The following RBFOX3 variants were observed in gnomAD, a reference collection of about 807,000 sequenced individuals.
The protein encoded by RBFOX3 is RNA binding protein fox-1 homolog 3.
A neutral mutation model predicts 48.7 loss-of-function variants in RBFOX3; 17 were observed. That is an observed-to-expected ratio of 0.35 (90% confidence interval 0.24 to 0.52). The LOEUF (loss-of-function observed/expected upper bound fraction) is 0.52, where lower values mean the gene tolerates loss of function less well. Among genes scored for constraint, RBFOX3 ranks in the 20% least tolerant of loss-of-function variants. The pLI, the probability that RBFOX3 is intolerant of heterozygous loss-of-function variation, is 0.94. For missense variants in RBFOX3, 382 were observed against 497.5 expected, an observed-to-expected ratio of 0.77 and a Z score of 2.21; for synonymous variants, 212 against 209.5, an observed-to-expected ratio of 1.01 and a Z score of -0.10.
intron 2 of RBFOX3, among the ~76,000 whole-genome samples, chr17:79,399,603 G>A (rs971542991): frequency 4.6e-5 from 7 of 151,818 alleles, no homozygotes; most frequent in Non-Finnish European, 1.0e-4. Context: ...CGCTCTCCCA[G>A]CAGTCACAAA....
intron 3 of RBFOX3, among the ~76,000 whole-genome samples, chr17:79,264,078 G>A (rs1192064909): frequency 2.0e-5 from 3 of 150,438 alleles, no homozygotes; most frequent in African/African-American, 2.4e-5. Flanking sequence ...TGGCGGGAGC[G>A]CAGCCCTGTT....
intron 1 of RBFOX3, among the ~76,000 whole-genome samples, chr17:79,579,010 A>T (rs1006593560): frequency 2.0e-5 from 3 of 152,120 alleles, no homozygotes; most frequent in Non-Finnish European, 4.4e-5. Flanking sequence ...CTGCCCCCTC[A>T]ACGTCCTGAG....
rs2073702667 is a variant in RBFOX3 at position 79,090,666 on chromosome 17, C to A, written c.*217G>T. On this transcript the variant is annotated 3_prime_UTR_variant, in exon 15 of 15. Coordinates refer to ENST00000693108, the MANE Select transcript of RBFOX3 (RefSeq NM_001350451.2). ...CCAGGACGCGGTGGGGCCGTCCTGT[C>A]CTGGGGCCGCTCCTCGGCGCCCCTG... is the stretch of plus-strand genomic sequence containing the variant. 7 of 604,246 alleles carry A rather than the reference C, an allele frequency of 1.2e-5. No individual in the cohort carries two copies. In the South Asian group the frequency reaches 1.5e-4, roughly 13 times the overall value. 37.4% of individuals were successfully genotyped at this position (604,246 alleles called of 1,614,324 possible).
At chr17:79,581,747 G>A (rs1466655058) in intron 1 of RBFOX3, among the ~76,000 whole-genome samples, 1 of 152,240 alleles carries the variant, frequency 6.6e-6, no homozygotes, top group Non-Finnish European at 1.5e-5. Context: ...GACCTGGCAG[G>A]GGAGCACCTC....
At chr17:79,420,083 T>C (rs1450845417) in intron 2 of RBFOX3, among the ~76,000 whole-genome samples, 1 of 149,246 alleles carries the variant, frequency 6.7e-6, no homozygotes, top group African/African-American at 2.5e-5. Context: ...GCTGAGATCA[T>C]GCCACTGCAC....
intron 3 of RBFOX3, among the ~76,000 whole-genome samples, chr17:79,291,820 A>G (rs2073324050): frequency 6.6e-6 from 1 of 152,182 alleles, no homozygotes. Flanking sequence ...CCCTCTGTTC[A>G]GGAGCAAGCA....
chr17:79,213,425 T>A (rs1011638033), intron 4 of RBFOX3, among the ~76,000 whole-genome samples: 3 of 152,206 alleles, frequency 2.0e-5, no homozygotes, highest in East Asian at 1.9e-4. Flanking sequence ...CACCCGCAAC[T>A]GCTACCAGGA....
intron 4 of RBFOX3, among the ~76,000 whole-genome samples, chr17:79,154,219 G>A (rs1377614149): frequency 4.7e-5 from 7 of 149,602 alleles, no homozygotes; most frequent in African/African-American, 1.5e-4. Context: ...CAGGGCCCTC[G>A]TACATGCCCT....
intron 3 of RBFOX3, among the ~76,000 whole-genome samples, chr17:79,248,227 T>G (rs2063441607): frequency 6.6e-6 from 1 of 151,888 alleles, no homozygotes; most frequent in Non-Finnish European, 1.5e-5. Flanking sequence ...GTGGCTTTGT[T>G]TTGTGTGTGT....
chr17:79,538,100 G>A (rs1293771946), intron 1 of RBFOX3, among the ~76,000 whole-genome samples: 17 of 152,232 alleles, frequency 1.1e-4, no homozygotes, highest in African/African-American at 4.1e-4. Context: ...CCCTGAGCCA[G>A]GCTATCCTTC....
At chr17:79,458,651 C>G (rs2074944923) in intron 2 of RBFOX3, among the ~76,000 whole-genome samples, 2 of 151,934 alleles carry the variant, frequency 1.3e-5, no homozygotes, top group Non-Finnish European at 2.9e-5. Context: ...GTGAGCTCTT[C>G]TGCAGTGCTA....
intron 2 of RBFOX3, among the ~76,000 whole-genome samples, chr17:79,315,957 G>A (rs1033081581): frequency 2.0e-5 from 3 of 152,142 alleles, no homozygotes; most frequent in Admixed American, 2.0e-4. Flanking sequence ...GGGTGGGTCC[G>A]CCAGCAGCTC....
chr17:79,253,695 G>A (rs907053098), intron 3 of RBFOX3, among the ~76,000 whole-genome samples: 1 of 152,232 alleles, frequency 6.6e-6, no homozygotes, highest in Non-Finnish European at 1.5e-5. Flanking sequence ...TGGCCAGTCT[G>A]TCTGCGGTTA....
At chr17:79,586,548 C>T (rs898814338) in intron 1 of RBFOX3, among the ~76,000 whole-genome samples, 3 of 152,368 alleles carry the variant, frequency 2.0e-5, no homozygotes, top group East Asian at 3.9e-4. Context: ...GGCATGAGGA[C>T]GTTCCTCAAC....
At chr17:79,552,871 A>G (rs1481533370) in intron 1 of RBFOX3, among the ~76,000 whole-genome samples, 9 of 152,220 alleles carry the variant, frequency 5.9e-5, no homozygotes, top group Non-Finnish European at 1.0e-4. Flanking sequence ...ACATGCATAC[A>G]TAGGATTACC....
intron 4 of RBFOX3, among the ~76,000 whole-genome samples, chr17:79,159,273 T>C (rs965677601): frequency 4.6e-5 from 7 of 152,070 alleles, no homozygotes; most frequent in African/African-American, 1.7e-4. Flanking sequence ...CAGAGGCAGG[T>C]TGGGATGAGA....
At chr17:79,156,592 A>G (rs1330474056) in intron 4 of RBFOX3, among the ~76,000 whole-genome samples, 1 of 152,186 alleles carries the variant, frequency 6.6e-6, no homozygotes, top group Non-Finnish European at 1.5e-5. Flanking sequence ...TTTGGGCCAA[A>G]TCTGGCCCGC....
At chr17:79,387,549 C>A (rs558910813) in intron 2 of RBFOX3, among the ~76,000 whole-genome samples, 94 of 152,356 alleles carry the variant, frequency 6.2e-4, no homozygotes, top group African/African-American at 2.1e-3. Flanking sequence ...CCCGCATGGG[C>A]TGGATGAGAA....
the RBFOX3 span, among the ~76,000 whole-genome samples, chr17:79,632,574 C>G: frequency 1.3e-5 from 2 of 152,056 alleles, no homozygotes. Context: ...GATCCGGAAG[C>G]CAGTGCTCTT....
Sources: allele counts gnomAD v4.1 joint callset (sites outside exome capture counted in the v4.1 genomes callset), GRCh38; gene constraint gnomAD v4.1.1; transcripts MANE v1.5; gene names NCBI Gene and HGNC (gene_info 2026-07-23, HGNC 2026-07-21).